MRPS6: variants seen among roughly 807,000 people sequenced by gnomAD.
MRPS6 encodes the protein mitochondrial ribosomal protein S6.
MRPS6 carries 6 observed loss-of-function variants against 13.1 expected under a neutral mutation model. The observed-to-expected ratio is 0.46, with a 90% confidence interval of 0.25 to 0.91. The LOEUF is 0.91. Among genes scored for constraint, MRPS6 ranks in the 40% least tolerant of loss-of-function variants. The pLI is 0.18. For synonymous variants in MRPS6, 61 were observed against 56.5 expected (o/e 1.08, Z -0.36); for missense variants, 164 against 155.6 (o/e 1.05, Z -0.29).
At chr21:34,121,087 T>C (rs1317755437) in intron 1 of MRPS6, among the ~76,000 whole-genome samples, 2 of 152,208 alleles carry the variant, frequency 1.3e-5, no homozygotes, top group East Asian at 3.8e-4. Context: ...ACAAAGGTCC[T>C]TGCTCCTCTG....
intron 2 of MRPS6, chr21:34,135,893 C>T: frequency 2.0e-6 from 1 of 512,278 alleles, no homozygotes; most frequent in Non-Finnish European, 3.7e-6. Flanking sequence ...TAAGGCCCTG[C>T]ATTGTGAGGC....
chr21:34,130,963 A>G (rs544748040), intron 2 of MRPS6, among the ~76,000 whole-genome samples: 27 of 152,330 alleles, frequency 1.8e-4, no homozygotes, highest in African/African-American at 4.6e-4. Flanking sequence ...GTTCAAGGCA[A>G]TGTTGGTGCT....
intron 1 of MRPS6, chr21:34,122,413 G>A (rs1980152686): frequency 6.6e-6 from 1 of 152,106 alleles, no homozygotes; most frequent in Non-Finnish European, 1.5e-5. Context: ...TGAGATGAAT[G>A]TGGCCATTCC....
chr21:34,102,133 T>G (rs190753969), intron 1 of MRPS6: 136 of 1,000,214 alleles, frequency 1.4e-4, no homozygotes, highest in Non-Finnish European at 1.6e-4. Flanking sequence ...TAATATGGAA[T>G]GTTTTTGTCA....
Position 34,079,337 on chromosome 21 carries a change from C to T in MRPS6, c.45+5592C>T, listed in dbSNP as rs563050633. On this transcript the variant is annotated intron_variant, in intron 1 of 2. Coordinates refer to ENST00000399312, the MANE Select transcript of MRPS6 (RefSeq NM_032476.4). ...CTTTACAGAAGAAATGTGCCAGCCC[C>T]TGATTTAGAGTATATAGACACAATT... Among the ~76,000 whole-genome samples, 3 of 152,268 alleles carry T rather than the reference C, an allele frequency of 2.0e-5. No individual in the cohort carries two copies. In the South Asian group the frequency reaches 6.2e-4, roughly 32 times the overall value.
At chr21:34,132,309 C>T (rs771249883) in intron 2 of MRPS6, among the ~76,000 whole-genome samples, 2 of 152,192 alleles carry the variant, frequency 1.3e-5, no homozygotes, top group Admixed American at 1.3e-4. Flanking sequence ...GAAACTTCCA[C>T]GGTGTAATAG....
Position 34,141,256 on chromosome 21 carries a change from C to T in MRPS6, c.186-1152C>T, listed in dbSNP as rs541091124. On this transcript the variant is annotated intron_variant, in intron 2 of 2. Transcript: ENST00000399312. ...CTGTGCTTTAGTGGAGTGAGGCAGA[C>T]AGTAAGCAAATGCATACTGTGCCAG... 5.3e-5 allele frequency among the ~76,000 whole-genome samples: 8 copies of T among 152,270 alleles called. No individual in the cohort carries two copies. The South Asian group carries it at 1.7e-3, about 32-fold the overall frequency.
intron 1 of MRPS6, among the ~76,000 whole-genome samples, chr21:34,078,668 A>G (rs1310515476): frequency 6.6e-6 from 1 of 152,188 alleles, no homozygotes; most frequent in African/African-American, 2.4e-5. Context: ...TTTTTCATCT[A>G]GTGCCTTTGC....
intron 1 of MRPS6, chr21:34,095,717 T>C (rs1978933623): frequency 1.9e-6 from 3 of 1,613,998 alleles, no homozygotes; most frequent in Non-Finnish European, 2.5e-6. Flanking sequence ...CTTTGCTGAC[T>C]GTCACCGGAG....
intron 1 of MRPS6, chr21:34,104,328 AAAACGT>A (rs1300522155): frequency 1.0e-6 from 1 of 999,966 alleles, no homozygotes; most frequent in African/African-American, 1.7e-5. Context: ...TGTGTAGAAG[AAAACGT>A]ATGTTCTTCT....
At chr21:34,100,991 G>T (rs1979212389) in intron 1 of MRPS6, 1 of 1,000,146 alleles carries the variant, frequency 1.0e-6, no homozygotes, top group Non-Finnish European at 1.2e-6. Context: ...GAGGCATGAT[G>T]ACTGGAAAGG....
chr21:34,083,376 G>T (rs1219469550), intron 1 of MRPS6, among the ~76,000 whole-genome samples: 1 of 152,196 alleles, frequency 6.6e-6, no homozygotes, highest in Non-Finnish European at 1.5e-5. Flanking sequence ...GATGCCCCGT[G>T]TATGAATTCC....
At chr21:34,113,044 T>C (rs1438891920) in intron 1 of MRPS6, among the ~76,000 whole-genome samples, 1 of 151,992 alleles carries the variant, frequency 6.6e-6, no homozygotes, top group Non-Finnish European at 1.5e-5. Flanking sequence ...CATTGAGATA[T>C]CACCTCATGT....
intron 2 of MRPS6, among the ~76,000 whole-genome samples, chr21:34,141,215 T>C (rs1980896389): frequency 6.6e-6 from 1 of 152,178 alleles, no homozygotes; most frequent in Admixed American, 6.5e-5. Context: ...CACCAGAGCC[T>C]TTCTTCCTAT....
intron 1 of MRPS6, chr21:34,104,665 A>G: frequency 2.0e-6 from 2 of 1,000,300 alleles, no homozygotes; most frequent in Non-Finnish European, 1.2e-6. Flanking sequence ...AGCCTACCAC[A>G]TTATTTGAGA....
At chr21:34,104,088 T>C in intron 1 of MRPS6, 1 of 1,000,068 alleles carries the variant, frequency 1.0e-6, no homozygotes, top group South Asian at 4.7e-5. Context: ...TTGATTTTTT[T>C]TGTGTACGTT....
At chr21:34,099,563 C>T (rs977101425) in intron 1 of MRPS6, 2 of 999,752 alleles carry the variant, frequency 2.0e-6, no homozygotes, top group African/African-American at 3.5e-5. Flanking sequence ...GGCAGCCTAT[C>T]TCTTCCATAT....
chr21:34,117,493 A>G (rs936623427), intron 1 of MRPS6, among the ~76,000 whole-genome samples: 1 of 152,086 alleles, frequency 6.6e-6, no homozygotes, highest in Non-Finnish European at 1.5e-5. Flanking sequence ...TTTATTAGTA[A>G]CTTACAAGTG....
chr21:34,088,885 TA>T (rs925911086), intron 1 of MRPS6, among the ~76,000 whole-genome samples: 68 of 151,874 alleles, frequency 4.5e-4, no homozygotes, highest in African/African-American at 1.6e-3. Context: ...TTTTTTTTTT[TA>T]AATTTCCATT....
Sources: allele counts gnomAD v4.1 joint callset (sites outside exome capture counted in the v4.1 genomes callset), GRCh38; gene constraint gnomAD v4.1.1; transcripts MANE v1.5; gene names NCBI Gene and HGNC (gene_info 2026-07-23, HGNC 2026-07-21).